SRGAP1: variants seen among roughly 807,000 people sequenced by gnomAD.
SRGAP1 encodes the protein SLIT-ROBO Rho GTPase-activating protein 1.
Under a neutral mutation model 121.9 loss-of-function variants are expected in SRGAP1, and 43 were observed. The observed-to-expected ratio is 0.35, with a 90% CI of 0.28 to 0.46. The LOEUF is 0.46. SRGAP1 is among the 20% of genes least tolerant of loss of function. The pLI, the probability that SRGAP1 is intolerant of heterozygous loss-of-function variation, is 1.00. For missense variants in SRGAP1, 1,102 were observed against 1,350.9 expected, an observed-to-expected ratio of 0.82 and a Z score of 2.89; for synonymous variants, 447 against 485.4, an observed-to-expected ratio of 0.92 and a Z score of 1.04.
At chr12:63,976,270 A>C (rs1470764090) in intron 1 of SRGAP1, among the ~76,000 whole-genome samples, 1 of 152,178 alleles carries the variant, frequency 6.6e-6, no homozygotes, top group East Asian at 1.9e-4. Context: ...CTAGTCTGTG[A>C]CTAGACCTCC....
chr12:64,111,978 T>C lies in SRGAP1; in HGVS notation c.2136T>C (p.Asp712=). Residue 712 remains aspartate, a synonymous_variant, in exon 17 of 22, where the codon GAT becomes GAC. Transcript: ENST00000355086. ...TTTATGAGAAATGTATGGCTGGAGA[T>C]GACTATTGGTAAGTCTAAGAATTTT... The part of the protein sequence containing the change: ...GPVYEKCMAG[D]DYCDSPYSEH... 6.2e-7 allele frequency: 1 copy of C among 1,613,502 alleles called. No individual in the cohort carries two copies. Among genetic ancestry groups the C allele is most frequent in the Non-Finnish European group, 8.5e-7 (1 of 1,179,598 alleles).
At chr12:64,104,429 A>G (rs2036307000) in intron 15 of SRGAP1, among the ~76,000 whole-genome samples, 1 of 152,214 alleles carries the variant, frequency 6.6e-6, no homozygotes, top group South Asian at 2.1e-4. Flanking sequence ...TTCCCCACTG[A>G]CAACTTTTCT....
At chr12:64,105,011 T>C (rs2036320451) in intron 15 of SRGAP1, among the ~76,000 whole-genome samples, 1 of 152,044 alleles carries the variant, frequency 6.6e-6, no homozygotes, top group South Asian at 2.1e-4. Context: ...TCTAGAACTT[T>C]TTCATCTTCT....
intron 3 of SRGAP1, among the ~76,000 whole-genome samples, chr12:64,004,124 T>G (rs2136441455): frequency 6.6e-6 from 1 of 152,276 alleles, no homozygotes; most frequent in African/African-American, 2.4e-5. Context: ...AACATTAATG[T>G]AAGTCAATTG....
chr12:64,076,066 A>G (rs1436677207), intron 8 of SRGAP1, among the ~76,000 whole-genome samples: 3 of 152,222 alleles, frequency 2.0e-5, no homozygotes, highest in African/African-American at 7.2e-5. Context: ...ATCTTCCCAA[A>G]AGGAAGAGCA....
intron 8 of SRGAP1, among the ~76,000 whole-genome samples, chr12:64,068,670 T>G (rs1360996486): frequency 6.6e-6 from 1 of 151,986 alleles, no homozygotes; most frequent in East Asian, 2.0e-4. Context: ...GCTTGGGTTT[T>G]GAAAGTTATT....
intron 1 of SRGAP1, among the ~76,000 whole-genome samples, chr12:63,884,986 C>A (rs867803641): frequency 3.3e-5 from 5 of 152,138 alleles, no homozygotes; most frequent in Non-Finnish European, 7.4e-5. Flanking sequence ...TCCCAAAGTG[C>A]TGGGATTACA....
intron 19 of SRGAP1, 74 bp downstream of exon 19, chr12:64,126,231 G>C (rs1000831209): frequency 5.3e-6 from 8 of 1,516,214 alleles, no homozygotes; most frequent in Admixed American, 1.8e-5. Context: ...AACTGACCTT[G>C]GTCTTGTGAG....
At chr12:63,873,069 G>C (rs188832828) in intron 1 of SRGAP1, among the ~76,000 whole-genome samples, 1 of 152,186 alleles carries the variant, frequency 6.6e-6, no homozygotes, top group Non-Finnish European at 1.5e-5. Context: ...CTTGAGCAGA[G>C]TAGTAAAAGA....
At chr12:64,039,016 CTG>C (rs2034955302) in intron 4 of SRGAP1, 1 of 152,148 alleles carries the variant, frequency 6.6e-6, no homozygotes, top group South Asian at 2.1e-4. Context: ...AGAGAACTGT[CTG>C]TTATTTTAAA....
At chr12:64,113,535 ATTGT>A (rs1372783680) in intron 17 of SRGAP1, among the ~76,000 whole-genome samples, 1 of 152,200 alleles carries the variant, frequency 6.6e-6, no homozygotes, top group Non-Finnish European at 1.5e-5. Context: ...AGAAAAAATA[ATTGT>A]TTGAGGTGAT....
intron 1 of SRGAP1, among the ~76,000 whole-genome samples, chr12:63,904,176 T>A (rs532782558): frequency 2.0e-5 from 3 of 151,050 alleles, no homozygotes; most frequent in African/African-American, 7.3e-5. Flanking sequence ...CCAACAACTA[T>A]GCTCCTTTCT....
At chr12:64,062,814 C>T (rs2035473680) in intron 6 of SRGAP1, 103 bp from the exon 7 acceptor site, 1 of 764,972 alleles carries the variant, frequency 1.3e-6, no homozygotes, top group Admixed American at 2.7e-5. Flanking sequence ...GAAAGCTTAC[C>T]CCCATGTTTC....
chr12:63,970,222 G>T, intron 1 of SRGAP1, among the ~76,000 whole-genome samples: 1 of 152,198 alleles, frequency 6.6e-6, no homozygotes, highest in Non-Finnish European at 1.5e-5. Flanking sequence ...CATTGTAGAT[G>T]CGTAATTAGG....
rs1330722188 is a variant in SRGAP1 at position 64,152,305 on chromosome 12, A to G, written c.*9633A>G. ...CCTGGTCACACAGCTAGATAGTGAC[A>G]GAGCAGGATTTGATTCCACGCCATC... On this transcript the variant is annotated 3_prime_UTR_variant, in exon 22 of 22. Coordinates refer to ENST00000355086, the MANE Select transcript of SRGAP1 (RefSeq NM_020762.4). 6.6e-6 allele frequency: 1 copy of G among 152,216 alleles called. No homozygotes were observed. Among genetic ancestry groups the G allele is most frequent in the Non-Finnish European group, 1.5e-5 (1 of 68,044 alleles). The allele number at this position is 152,216 out of a possible 1,614,324, so 9.4% of individuals were successfully genotyped here.
At chr12:63,853,774 C>A (rs1899152487) in intron 1 of SRGAP1, among the ~76,000 whole-genome samples, 1 of 152,152 alleles carries the variant, frequency 6.6e-6, no homozygotes, top group Admixed American at 6.6e-5. Context: ...GTATACCTGG[C>A]CTTTGGTAAA....
chr12:64,010,190 C>T (rs2034210339), intron 3 of SRGAP1, among the ~76,000 whole-genome samples: 1 of 152,128 alleles, frequency 6.6e-6, no homozygotes, highest in Admixed American at 6.5e-5. Flanking sequence ...TTCTCTTTTA[C>T]TCCCGCGGTG....
chr12:63,967,006 T>G (rs920773801), intron 1 of SRGAP1, among the ~76,000 whole-genome samples: 1 of 152,258 alleles, frequency 6.6e-6, no homozygotes, highest in African/African-American at 2.4e-5. Flanking sequence ...AGCTTTTTGA[T>G]AGGTTGGCTT....
At chr12:63,940,473 A>G (rs1201649948) in intron 1 of SRGAP1, among the ~76,000 whole-genome samples, 10 of 148,870 alleles carry the variant, frequency 6.7e-5, no homozygotes, top group African/African-American at 2.2e-4. Flanking sequence ...GAGGAAGGGG[A>G]TGGGCCATGT....
Sources: allele counts gnomAD v4.1 joint callset (sites outside exome capture counted in the v4.1 genomes callset), GRCh38; gene constraint gnomAD v4.1.1; transcripts MANE v1.5; gene names NCBI Gene and HGNC (gene_info 2026-07-23, HGNC 2026-07-21).